GEN1: variants seen among roughly 807,000 people sequenced by gnomAD.
The protein encoded by GEN1 is GEN1 structure-specific endonuclease.
In GEN1, 64 loss-of-function variants were observed where a neutral mutation model predicts 67.6. The observed-to-expected ratio is 0.95, with a 90% CI of 0.77 to 1.17. The LOEUF (loss-of-function observed/expected upper bound fraction) is 1.17. GEN1 is among the 50% of genes most tolerant of loss of function. The probability of loss-of-function intolerance (pLI) is 0.00; values close to 1 mark genes in which losing one functional copy is unlikely to be tolerated. For missense variants in GEN1, 1,058 were observed against 1,048.3 expected (o/e 1.01, Z -0.13); for synonymous variants, 371 against 359.4 (o/e 1.03, Z -0.37).
In GEN1 at chr2:17,780,897, C is replaced by G. The variant is rs1672793961; in HGVS notation, c.1685C>G (p.Ser562Cys). 12 of 1,613,900 alleles carry G rather than the reference C, an allele frequency of 7.4e-6. No individual in the cohort carries two copies. The highest frequency in any genetic ancestry group is 1.0e-5 in the Non-Finnish European group (12 of 1,179,924). The change falls in exon 14 of 14, where the codon TCT becomes TGT. Residue 562 changes from serine to cysteine, a missense_variant. Transcript: ENST00000381254. ...CAGCAAATTAAAGCTGTCAGTAAGT[C>G]TCTAATTTCAGAATCTAGTCAACCC... ...AIQQIKAVSK[S>C]LISESSQPNT...
upstream of GEN1, among the ~76,000 whole-genome samples, chr2:17,753,360 A>G (rs1671182482): frequency 1.3e-5 from 2 of 152,088 alleles, no homozygotes; most frequent in African/African-American, 2.4e-5. Context: ...GCCGCCTGGG[A>G]GGGGACGGCC....
At chr2:17,773,425 G>A in intron 10 of GEN1, 126 bp downstream of exon 10, 1 of 607,688 alleles carries the variant, frequency 1.6e-6, no homozygotes, top group East Asian at 2.9e-5. Flanking sequence ...TATTTTTTCA[G>A]CATTTATTTC....
chr2:17,780,411 C>T (rs948090718), intron 13 of GEN1, among the ~76,000 whole-genome samples: 2 of 152,130 alleles, frequency 1.3e-5, no homozygotes, highest in Non-Finnish European at 2.9e-5. Context: ...TAAATGTTTT[C>T]TTTATTTCCC....
rs775898335 is a variant in GEN1 at position 17,781,203 on chromosome 2, T to C, written c.1991T>C (p.Ile664Thr). ...ISPEEHLLSG[I>T]TDLCLQDLPL... is the part of the protein sequence containing the mutation. ...CCTGAAGAGCATCTACTTTCTGGCA[T>C]TACTGATTTATGTCTTCAGGATTTG... The change falls in exon 14 of 14, where the codon ATT (isoleucine) becomes ACT (threonine). Residue 664 changes from isoleucine (I) to threonine (T), a missense_variant. By Grantham distance (89) the Ile-to-Thr change is moderately conservative. Transcript: ENST00000381254. 25 of 1,613,602 alleles carry C rather than the reference T, an allele frequency of 1.5e-5. No individual in the cohort carries two copies. Among genetic ancestry groups the C allele is most frequent in the Non-Finnish European group, 2.0e-5 (24 of 1,179,690 alleles).
chr2:17,771,343 T>A, intron 7 of GEN1, 56 bp downstream of exon 7: 1 of 1,020,402 alleles, frequency 9.8e-7, no homozygotes, highest in Non-Finnish European at 1.6e-6. Context: ...TTAATTCTTG[T>A]TCACATAGTA....
rs1673039943 is a variant in GEN1, at chr2:17,785,875, G to A, written c.*3936G>A. On this transcript the variant is annotated 3_prime_UTR_variant, in exon 14 of 14. Coordinates refer to ENST00000381254, the MANE Select transcript of GEN1 (RefSeq NM_001130009.3). Reference sequence around the variant, plus strand: ...TGCCACTGCACTTCACTCCAGGATGGGCGAAAAAGTGTCTAAAAAAAATTA... The same window carrying A: ...TGCCACTGCACTTCACTCCAGGATGAGCGAAAAAGTGTCTAAAAAAAATTA... 6.6e-6 allele frequency: 1 copy of A among 151,922 alleles called. No individual in the cohort carries two copies. The highest frequency in any genetic ancestry group is 1.5e-5 in the Non-Finnish European group (1 of 67,964). The allele number at this position is 151,922 out of a possible 1,614,324, so 9.4% of individuals were successfully genotyped here. A position where few individuals can be genotyped will look rare whatever the true frequency, so the allele number is the denominator to read the frequency against.
rs1416729020 is a variant in GEN1 at position 17,766,614 on chromosome 2, CAA to C, written c.562_563del (p.Lys188GlufsTer2). The C allele has an allele frequency of 6.2e-7, 1 of 1,607,498 alleles. No individual in the cohort carries two copies. Among genetic ancestry groups the C allele is most frequent in the East Asian group, 2.2e-5 (1 of 44,770 alleles). On this transcript the variant is annotated frameshift_variant, in exon 5 of 14. Coordinates refer to ENST00000381254, the MANE Select transcript of GEN1 (RefSeq NM_001130009.3). LOFTEE classifies it high-confidence loss of function. ...TTGACTGTTACACAATGTCATCTAT[CAA>C]GAGTAAACTAGGTTTGGATAGAGAT... Reference protein sequence around the residue: ...HVDCYTMSSIKSKLGLDRDAL... With the variant: ...HVDCYTMSSIXSKLGLDRDAL...
chr2:17,762,504 G>A (rs1226056936), intron 3 of GEN1, among the ~76,000 whole-genome samples: 1 of 152,042 alleles, frequency 6.6e-6, no homozygotes, highest in African/African-American at 2.4e-5. Flanking sequence ...CCTGTGCCTG[G>A]CCTTTTTTGT....
At position 17,781,472 on chromosome 2, in the gene GEN1, G is replaced by T; in HGVS notation, c.2260G>T (p.Val754Phe). The change falls in exon 14 of 14, where the codon GTC becomes TTC. Residue 754 changes from valine to phenylalanine, a missense_variant. Coordinates refer to ENST00000381254, the MANE Select transcript of GEN1 (RefSeq NM_001130009.3). ...LQEDYKVNTS[V>F]PYSVSNTVVK... The stretch of plus-strand genomic sequence containing the variant: ...AGAAGACTATAAAGTCAATACTTCT[G>T]TCCCTTATTCTGTCAGTAACACAGT... The T allele has an allele frequency of 6.2e-7, 1 of 1,613,460 alleles. No individual in the cohort carries two copies. Among genetic ancestry groups the T allele is most frequent in the Non-Finnish European group, 8.5e-7 (1 of 1,179,886 alleles).
At chr2:17,765,737 C>G (rs2125129748) in intron 4 of GEN1, among the ~76,000 whole-genome samples, 1 of 152,192 alleles carries the variant, frequency 6.6e-6, no homozygotes, top group South Asian at 2.1e-4. Context: ...ATTGAAAAGG[C>G]TATTATTGAC....
At position 17,772,986 on chromosome 2, in the gene GEN1, G is replaced by A. The variant is rs184654488; in HGVS notation, c.954-110G>A. 1,243 of 831,802 alleles carry A rather than the reference G, an allele frequency of 1.5e-3. 16 individuals are homozygous for A. The African/African-American group carries it at 0.019, about 12-fold the overall frequency. 51.5% of individuals were successfully genotyped at this position (831,802 alleles called of 1,614,324 possible). On this transcript the variant is annotated intron_variant, in intron 8 of 13. Transcript: ENST00000381254. The stretch of plus-strand genomic sequence containing the variant: ...TTCAAAGGGAAGCTTGACTGTTTGG[G>A]ATACTGTAAATTCACATTTCTTATT...
At chr2:17,771,353 A>G (rs940699548) in intron 7 of GEN1, 66 bp downstream of exon 7, 16 of 921,026 alleles carry the variant, frequency 1.7e-5, no homozygotes, top group Non-Finnish European at 2.9e-5. Flanking sequence ...TTCACATAGT[A>G]CTTTTTACAT....
At chr2:17,759,584 GCTTTT>G (rs1671579635) in intron 1 of GEN1, among the ~76,000 whole-genome samples, 1 of 149,882 alleles carries the variant, frequency 6.7e-6, no homozygotes, top group African/African-American at 2.4e-5. Flanking sequence ...ATGCTTCCTT[GCTTTT>G]CTTTTTTTTT....
chr2:17,775,217 G>A (rs1672373580), intron 11 of GEN1, among the ~76,000 whole-genome samples: 1 of 152,098 alleles, frequency 6.6e-6, no homozygotes, highest in South Asian at 2.1e-4. Flanking sequence ...AAAAATGTGT[G>A]TAAATGGATG....
chr2:17,765,090 T>C lies in GEN1; in HGVS notation c.525+17T>C. ...AATACAAAGGTGTTTATTTTCTTTC[T>C]CTTTTTCAGCATTTGTTTACGAACT... On this transcript the variant is annotated intron_variant, in intron 4 of 13. Transcript: ENST00000381254. 1 of 1,611,180 alleles carries C rather than the reference T, an allele frequency of 6.2e-7. No individual in the cohort carries two copies. The highest frequency in any genetic ancestry group is 8.5e-7 in the Non-Finnish European group (1 of 1,178,324).
Position 17,774,368 on chromosome 2 carries a change from G to A in GEN1, c.1169G>A (p.Gly390Asp). 1 of 1,605,738 alleles carries A rather than the reference G, an allele frequency of 6.2e-7. No individual in the cohort carries two copies. The highest frequency in any genetic ancestry group is 1.1e-5 in the South Asian group (1 of 89,944). Residue 390 changes from glycine to aspartate, a missense_variant, in exon 11 of 14, where the codon GGT becomes GAT. Physicochemically the swap from Gly to Asp is moderately conservative, Grantham distance 94. Coordinates refer to ENST00000381254, the MANE Select transcript of GEN1 (RefSeq NM_001130009.3). Reference protein sequence around the residue: ...THYDMIERKLGSRNSNQLQPI... With the variant: ...THYDMIERKLDSRNSNQLQPI... ...TATGACATGATAGAAAGAAAGCTTG[G>A]TAGCAGAAACTCTAATCAACTACAG...
At chr2:17,763,127 T>C (rs1671760870) in intron 3 of GEN1, among the ~76,000 whole-genome samples, 1 of 152,194 alleles carries the variant, frequency 6.6e-6, no homozygotes, top group Admixed American at 6.5e-5. Context: ...TTCTATCATA[T>C]TTGCTTTGAA....
At chr2:17,762,450 G>C (rs1435510490) in intron 3 of GEN1, among the ~76,000 whole-genome samples, 1 of 151,724 alleles carries the variant, frequency 6.6e-6, no homozygotes, top group East Asian at 1.9e-4. Flanking sequence ...TTCGTGATCC[G>C]CCTGCCTCGG....
chr2:17,753,408 G>A (rs145957118), upstream of GEN1, among the ~76,000 whole-genome samples: 1,384 of 99,478 alleles, frequency 0.014, 12 homozygotes, highest in Middle Eastern at 0.038. Flanking sequence ...TCAGGAGACC[G>A]GTGCCGCCTC....
Sources: gnomAD v4.1 joint callset for allele counts (sites outside exome capture counted in the v4.1 genomes callset) on GRCh38, gnomAD v4.1.1 for gene constraint, MANE v1.5 for transcripts, NCBI Gene and HGNC (gene_info 2026-07-23, HGNC 2026-07-21) for gene names.